Variants in RANBP17 observed in about 807,000 individuals in gnomAD.
RANBP17 encodes RAN binding protein 17.
Under a neutral mutation model 141.2 loss-of-function variants are expected in RANBP17, and 158 were observed. The ratio of observed to expected loss-of-function variants is 1.12; its 90% confidence interval spans 0.98 to 1.28. The LOEUF (loss-of-function observed/expected upper bound fraction) is 1.28, where lower values mean the gene tolerates loss of function less well. Ranked by LOEUF, RANBP17 falls within the 50% of genes most tolerant of loss-of-function variation. The pLI is 0.00. For missense variants in RANBP17, 1,438 were observed against 1,290.7 expected (o/e 1.11, Z -1.75); for synonymous variants, 430 against 450.0 (o/e 0.96, Z 0.56).
At chr5:171,175,901 G>T (rs535274915) in intron 16 of RANBP17, among the ~76,000 whole-genome samples, 5 of 151,868 alleles carry the variant, frequency 3.3e-5, no homozygotes, top group African/African-American at 1.2e-4. Context: ...AATTTGCAGG[G>T]CCCACCTCAA....
intron 14 of RANBP17, among the ~76,000 whole-genome samples, chr5:171,067,487 G>A (rs542796681): frequency 2.6e-5 from 4 of 152,050 alleles, no homozygotes; most frequent in East Asian, 1.9e-4. Flanking sequence ...TTCTCTGTAC[G>A]CCTTCGAGTT....
At chr5:170,940,934 T>C (rs183541757) in intron 12 of RANBP17, among the ~76,000 whole-genome samples, 1 of 151,656 alleles carries the variant, frequency 6.6e-6, no homozygotes, top group Admixed American at 6.6e-5. Flanking sequence ...TAATTGCTGA[T>C]TGGTTAAAAA....
intron 21 of RANBP17, among the ~76,000 whole-genome samples, chr5:171,216,898 T>G (rs186136881): frequency 6.6e-6 from 1 of 152,314 alleles, no homozygotes; most frequent in East Asian, 1.9e-4. Flanking sequence ...TGAATAACCT[T>G]TATTTCTTTC....
chr5:171,026,033 G>A (rs548750891), intron 14 of RANBP17, among the ~76,000 whole-genome samples: 2 of 152,262 alleles, frequency 1.3e-5, no homozygotes, highest in South Asian at 2.1e-4. Flanking sequence ...ACAGCACCAA[G>A]CACATTTTCT....
At chr5:171,126,828 T>TA (rs1302840720) in intron 14 of RANBP17, among the ~76,000 whole-genome samples, 2 of 152,046 alleles carry the variant, frequency 1.3e-5, no homozygotes, top group African/African-American at 4.8e-5. Context: ...GAATCAGTAA[T>TA]AAAAAGTCTC....
intron 25 of RANBP17, among the ~76,000 whole-genome samples, chr5:171,281,342 G>C (rs1767848848): frequency 1.3e-5 from 2 of 152,192 alleles, no homozygotes; most frequent in Admixed American, 1.3e-4. Context: ...CTAAAAAAGA[G>C]CTCAGTGTGC....
At chr5:170,987,136 T>G (rs1367415539) in intron 14 of RANBP17, among the ~76,000 whole-genome samples, 2 of 151,796 alleles carry the variant, frequency 1.3e-5, no homozygotes, top group African/African-American at 4.8e-5. Flanking sequence ...TTTTAAACAC[T>G]AAACATTGAA....
intron 14 of RANBP17, among the ~76,000 whole-genome samples, chr5:171,032,385 A>G (rs2127619649): frequency 6.6e-6 from 1 of 152,246 alleles, no homozygotes; most frequent in South Asian, 2.1e-4. Context: ...TACAGTTTGG[A>G]ATAAAGAGGA....
intron 5 of RANBP17, among the ~76,000 whole-genome samples, chr5:170,899,647 C>T (rs1770452580): frequency 6.6e-6 from 1 of 152,116 alleles, no homozygotes; most frequent in Non-Finnish European, 1.5e-5. Context: ...ATGATATTGG[C>T]TGTGGGTCTG....
At chr5:170,894,900 C>T (rs557937259) in intron 4 of RANBP17, among the ~76,000 whole-genome samples, 24 of 152,242 alleles carry the variant, frequency 1.6e-4, no homozygotes, top group Middle Eastern at 3.4e-3. Flanking sequence ...ACCTAGTGTA[C>T]TTTGTGACTT....
chr5:170,874,281 A>T (rs1767984348), intron 1 of RANBP17, among the ~76,000 whole-genome samples: 1 of 152,162 alleles, frequency 6.6e-6, no homozygotes, highest in Non-Finnish European at 1.5e-5. Flanking sequence ...AGTAAGTACC[A>T]TGTGGCACTA....
intron 14 of RANBP17, among the ~76,000 whole-genome samples, chr5:171,030,709 G>A (rs2127617634): frequency 6.6e-6 from 1 of 152,122 alleles, no homozygotes; most frequent in Non-Finnish European, 1.5e-5. Flanking sequence ...ATTAAAGTGT[G>A]TATTAAATAT....
chr5:171,255,749 A>T (rs1356377540), intron 24 of RANBP17, among the ~76,000 whole-genome samples: 1 of 152,150 alleles, frequency 6.6e-6, no homozygotes, highest in African/African-American at 2.4e-5. Context: ...GTGAGGTTAT[A>T]TGTTGGTTGA....
intron 6 of RANBP17, 182 bp from the exon 7 acceptor site, chr5:170,910,787 T>A (rs1015638152): frequency 3.6e-6 from 2 of 561,064 alleles, no homozygotes; most frequent in Non-Finnish European, 3.2e-6. Flanking sequence ...GATTCTTTTA[T>A]GCATGAAGTT....
In RANBP17 at chr5:170,883,454, A is replaced by G. The variant is rs376326358; in HGVS notation, c.256+1558A>G. Among the ~76,000 whole-genome samples, 11 of 152,328 alleles carry G rather than the reference A, an allele frequency of 7.2e-5. No homozygotes were observed. In the East Asian group the frequency reaches 1.7e-3, roughly 24 times the overall value. Reference sequence around the variant, plus strand: ...CTACATTGATACATCATCATTAACCAAAGTCTGTAATTTACATTAGGGTTC... The same window carrying G: ...CTACATTGATACATCATCATTAACCGAAGTCTGTAATTTACATTAGGGTTC... On this transcript the variant is annotated intron_variant, in intron 3 of 27. Coordinates refer to ENST00000523189, the MANE Select transcript of RANBP17 (RefSeq NM_022897.5).
chr5:170,930,757 T>C (rs980918915), intron 12 of RANBP17, among the ~76,000 whole-genome samples: 2 of 152,232 alleles, frequency 1.3e-5, no homozygotes, highest in Admixed American at 1.3e-4. Flanking sequence ...TTTTTATGGC[T>C]GCATAGTATT....
intron 14 of RANBP17, among the ~76,000 whole-genome samples, chr5:170,994,515 T>C (rs997049278): frequency 3.3e-5 from 5 of 152,074 alleles, no homozygotes; most frequent in Non-Finnish European, 5.9e-5. Context: ...AAATTGTGTC[T>C]TATGATTCTG....
At chr5:171,209,733 T>C (rs560860869) in intron 20 of RANBP17, among the ~76,000 whole-genome samples, 1 of 152,316 alleles carries the variant, frequency 6.6e-6, no homozygotes, top group Non-Finnish European at 1.5e-5. Flanking sequence ...CCTTGAAAGA[T>C]GGATAGGCAT....
chr5:170,939,382 T>TATTC (rs1474985759), intron 12 of RANBP17, among the ~76,000 whole-genome samples: 11 of 150,916 alleles, frequency 7.3e-5, no homozygotes, highest in African/African-American at 2.4e-4. Flanking sequence ...TTTATTTATT[T>TATTC]ATTTATTTAT....
Sources: allele counts gnomAD v4.1 joint callset (sites outside exome capture counted in the v4.1 genomes callset), GRCh38; gene constraint gnomAD v4.1.1; transcripts MANE v1.5; gene names NCBI Gene and HGNC (gene_info 2026-07-23, HGNC 2026-07-21).